The following CPS1 variants were observed in gnomAD, a reference collection of about 807,000 sequenced individuals.
The protein encoded by CPS1 is carbamoyl-phosphate synthase 1.
CPS1 carries 109 observed loss-of-function variants against 174.6 expected under a neutral mutation model. The observed-to-expected ratio is 0.62, with a 90% CI of 0.53 to 0.73. CPS1 has a LOEUF of 0.73. CPS1 is among the 30% of genes least tolerant of loss of function. The pLI, the probability that CPS1 is intolerant of heterozygous loss-of-function variation, is 0.00. For synonymous variants in CPS1, 637 were observed against 632.0 expected (o/e 1.01, Z -0.12); for missense variants, 1,689 against 1,821.9 (o/e 0.93, Z 1.33).
intron 1 of CPS1, among the ~76,000 whole-genome samples, chr2:210,534,313 G>A (rs948856104): frequency 6.6e-6 from 1 of 152,188 alleles, no homozygotes; most frequent in East Asian, 1.9e-4. Flanking sequence ...GGAAAGGGAT[G>A]AAGGGCACCT....
chr2:210,512,302 C>A (rs1695515751), intron 1 of CPS1, among the ~76,000 whole-genome samples: 1 of 151,754 alleles, frequency 6.6e-6, no homozygotes, highest in African/African-American at 2.4e-5. Context: ...ATGATACCAT[C>A]ACCCAGATAG....
chr2:210,515,106 T>G (rs1004783630), intron 1 of CPS1, among the ~76,000 whole-genome samples: 5 of 151,912 alleles, frequency 3.3e-5, no homozygotes, highest in African/African-American at 1.2e-4. Flanking sequence ...GCTAGTATCT[T>G]GTTGAAGATT....
At chr2:210,645,140 A>G (rs1055733030) in intron 25 of CPS1, among the ~76,000 whole-genome samples, 3 of 152,070 alleles carry the variant, frequency 2.0e-5, no homozygotes, top group African/African-American at 7.2e-5. Context: ...AAACTGTGCT[A>G]TATTAACATT....
chr2:210,592,736 A>G (rs1698349623), intron 10 of CPS1, 143 bp from the exon 11 acceptor site: 1 of 748,634 alleles, frequency 1.3e-6, no homozygotes, highest in Non-Finnish European at 2.4e-6. Context: ...CATGTTACTT[A>G]ATAGTACTGT....
At chr2:210,577,534 A>G in intron 4 of CPS1, 24 bp downstream of exon 4, 1 of 1,543,120 alleles carries the variant, frequency 6.5e-7, no homozygotes, top group Non-Finnish European at 9.0e-7. Flanking sequence ...TAGGGCATCC[A>G]TCATCACCTA....
At position 210,637,842 on chromosome 2, in the gene CPS1, A is replaced by T; in HGVS notation, c.2828A>T (p.Gln943Leu). ...LKKNIHPWVK[Q>L]IDTLAAEYPS... ...AAAAACATCCACCCTTGGGTTAAAC[A>T]GGTAAAGGAGTTTCCCTTTTCCCCC... Residue 943 changes from glutamine (Q) to leucine (L), a missense_variant and splice_region_variant, in exon 22 of 38, where the codon CAG (glutamine) becomes CTG (leucine). Gln to Leu is a moderately radical substitution (Grantham distance 113). Coordinates refer to ENST00000233072, the MANE Select transcript of CPS1 (RefSeq NM_001875.5). 6.2e-7 allele frequency: 1 copy of T among 1,613,896 alleles called. No homozygotes were observed. Among genetic ancestry groups the T allele is most frequent in the Non-Finnish European group, 8.5e-7 (1 of 1,179,834 alleles).
chr2:210,642,005 A>G (rs906060419), intron 24 of CPS1, among the ~76,000 whole-genome samples: 5 of 152,234 alleles, frequency 3.3e-5, no homozygotes, highest in African/African-American at 9.6e-5. Context: ...CAATCAGGAT[A>G]TGTCAGAGCT....
At position 210,515,854 on chromosome 2, in the gene CPS1, A is replaced by C. The variant is rs184882098; in HGVS notation, c.3+38088A>C. On this transcript the variant is annotated intron_variant, in intron 1 of 38. Coordinates refer to the CPS1 transcript ENST00000430249. ...GTATTTAGTGCTATAATCTTTTGTC[A>C]TAACATTGCTTTTGCTGCATCACAG... Among the ~76,000 whole-genome samples the C allele has an allele frequency of 2.2e-3, 333 of 151,856 alleles. 2 individuals are homozygous for C. Among genetic ancestry groups the C allele is most frequent in the African/African-American group, 7.6e-3 (316 of 41,490 alleles).
chr2:210,603,445 A>G (rs561299921), intron 16 of CPS1, among the ~76,000 whole-genome samples: 1 of 152,058 alleles, frequency 6.6e-6, no homozygotes, highest in African/African-American at 2.4e-5. Context: ...CATACCTCAC[A>G]TAAATGTTTC....
chr2:210,598,077 AG>A (rs1028849215), intron 13 of CPS1, among the ~76,000 whole-genome samples: 1 of 150,844 alleles, frequency 6.6e-6, no homozygotes, highest in African/African-American at 2.4e-5. Flanking sequence ...AATAAATACA[AG>A]GGGGAGCAGC....
chr2:210,590,091 G>C lies in CPS1; in HGVS notation c.712-15G>C. On this transcript the variant is annotated splice_polypyrimidine_tract_variant and intron_variant, in intron 7 of 37. Coordinates refer to ENST00000233072, the MANE Select transcript of CPS1 (RefSeq NM_001875.5). ...ACATGTTATTAAATTCATCATTCTTGTGTCTCTTTTCCAGCGAGGAGCTGA... is the reference window on the plus strand; with the variant it reads ...ACATGTTATTAAATTCATCATTCTTCTGTCTCTTTTCCAGCGAGGAGCTGA... The C allele has an allele frequency of 6.2e-7, 1 of 1,612,480 alleles. No individual in the cohort carries two copies. Among genetic ancestry groups the C allele is most frequent in the Non-Finnish European group, 8.5e-7 (1 of 1,178,912 alleles).
intron 28 of CPS1, among the ~76,000 whole-genome samples, chr2:210,651,071 C>T (rs182519077): frequency 6.6e-6 from 1 of 152,234 alleles, no homozygotes; most frequent in African/African-American, 2.4e-5. Context: ...AAGATTTACC[C>T]AGTGGGGTTA....
intron 31 of CPS1, among the ~76,000 whole-genome samples, chr2:210,659,361 C>G (rs1028665718): frequency 6.6e-6 from 1 of 152,048 alleles, no homozygotes; most frequent in Non-Finnish European, 1.5e-5. Context: ...GGGAGAGAAA[C>G]TGAAGAAACC....
At chr2:210,650,182 T>C (rs1001918995) in intron 27 of CPS1, among the ~76,000 whole-genome samples, 181 bp from the exon 28 acceptor site, 9 of 152,220 alleles carry the variant, frequency 5.9e-5, no homozygotes, top group Admixed American at 1.3e-4. Flanking sequence ...CTCAGCTTCG[T>C]CAGTTTTATA....
rs766734493 is a variant in CPS1, at chr2:210,678,002, G to A, written c.*17G>A. 1 of 1,573,194 alleles carries A rather than the reference G, an allele frequency of 6.4e-7. No homozygotes were observed. Among genetic ancestry groups the A allele is most frequent in the Non-Finnish European group, 8.8e-7 (1 of 1,142,802 alleles). ...GCAGCATAGAGATGCAGACACCCCA[G>A]CCCCATTATTAAATCAACCTGAGCC... is the stretch of plus-strand genomic sequence containing the variant. On this transcript the variant is annotated 3_prime_UTR_variant, in exon 38 of 38. Transcript: ENST00000233072.
At chr2:210,486,146 A>G in intron 1 of CPS1, among the ~76,000 whole-genome samples, 1 of 130,368 alleles carries the variant, frequency 7.7e-6, no homozygotes, top group Non-Finnish European at 1.6e-5. Context: ...ACACACACAC[A>G]CACACACACA....
chr2:210,555,948 A>T (rs1170584697), upstream of CPS1, among the ~76,000 whole-genome samples: 16 of 152,186 alleles, frequency 1.1e-4, no homozygotes, highest in Middle Eastern at 6.8e-3. Context: ...TCATTGTTTC[A>T]TGAAGTTTTT....
chr2:210,516,890 C>A (rs1299857321), intron 1 of CPS1, among the ~76,000 whole-genome samples: 3 of 151,976 alleles, frequency 2.0e-5, no homozygotes, highest in Non-Finnish European at 4.4e-5. Context: ...TCCAATTCAT[C>A]TCTTTACCAC....
chr2:210,631,568 A>G (rs1450943616), intron 21 of CPS1, among the ~76,000 whole-genome samples: 1 of 152,204 alleles, frequency 6.6e-6, no homozygotes, highest in East Asian at 1.9e-4. Context: ...TGGTTTTAAG[A>G]CATTTTTTTC....
Sources: gnomAD v4.1 joint callset for allele counts (sites outside exome capture counted in the v4.1 genomes callset) on GRCh38, gnomAD v4.1.1 for gene constraint, MANE v1.5 for transcripts, NCBI Gene and HGNC (gene_info 2026-07-23, HGNC 2026-07-21) for gene names.